DKK2: variants seen among roughly 807,000 people sequenced by gnomAD.
DKK2 encodes dickkopf-related protein 2.
Under a neutral mutation model 28.1 loss-of-function variants are expected in DKK2, and 11 were observed. The ratio of observed to expected loss-of-function variants is 0.39; its 90% CI spans 0.25 to 0.65. DKK2 has a LOEUF of 0.65. DKK2 is among the 30% of genes least tolerant of loss of function. DKK2 has a pLI of 0.47. For synonymous variants in DKK2, 135 were observed against 126.5 expected (o/e 1.07, Z -0.45); for missense variants, 326 against 335.5 (o/e 0.97, Z 0.22).
At chr4:106,988,056 G>A (rs1723148484) in intron 1 of DKK2, among the ~76,000 whole-genome samples, 1 of 152,090 alleles carries the variant, frequency 6.6e-6, no homozygotes, top group Non-Finnish European at 1.5e-5. Flanking sequence ...AATAGAGACA[G>A]GGTTTCACCA....
chr4:106,960,131 T>TATAC (rs1553921965), intron 1 of DKK2, among the ~76,000 whole-genome samples: 42 of 147,298 alleles, frequency 2.9e-4, no homozygotes, highest in South Asian at 6.4e-4. Flanking sequence ...TATATATATA[T>TATAC]ACACACACAC....
chr4:106,988,024 C>T (rs1723147798), intron 1 of DKK2, among the ~76,000 whole-genome samples: 1 of 152,054 alleles, frequency 6.6e-6, no homozygotes, highest in Non-Finnish European at 1.5e-5. Flanking sequence ...ACCATCACGC[C>T]CGGCTAATTT....
intron 1 of DKK2, among the ~76,000 whole-genome samples, chr4:107,027,902 C>T (rs1420516444): frequency 6.6e-6 from 1 of 151,990 alleles, no homozygotes; most frequent in Non-Finnish European, 1.5e-5. Flanking sequence ...CAGGCGCCTG[C>T]CACCACGCCC....
At chr4:106,998,116 A>T (rs1335988169) in intron 1 of DKK2, among the ~76,000 whole-genome samples, 1 of 152,312 alleles carries the variant, frequency 6.6e-6, no homozygotes, top group East Asian at 1.9e-4. Flanking sequence ...GGAGAATGCT[A>T]AACAACTAGC....
chr4:106,925,760 A>C lies in DKK2; in HGVS notation c.373+39T>G, dbSNP rs189280056. On this transcript the variant is annotated intron_variant, in intron 2 of 3. Coordinates refer to ENST00000285311, the MANE Select transcript of DKK2 (RefSeq NM_014421.3). Reference sequence around the variant, plus strand: ...TTGAGAGACAGGCTTATGATGATGAAAAGAAAGAGGCCCATTAACACTTAG... The same window carrying C: ...TTGAGAGACAGGCTTATGATGATGACAAGAAAGAGGCCCATTAACACTTAG... 97 of 1,573,004 alleles carry C rather than the reference A, an allele frequency of 6.2e-5. 1 individual carries two copies. In the East Asian group the frequency reaches 1.9e-3, roughly 30 times the overall value.
At chr4:106,947,088 T>G (rs1009186745) in intron 1 of DKK2, among the ~76,000 whole-genome samples, 3 of 152,114 alleles carry the variant, frequency 2.0e-5, no homozygotes, top group Non-Finnish European at 4.4e-5. Context: ...GCTGACAAAG[T>G]GTTTACTTTC....
chr4:106,957,964 G>GAGAGAGT lies in DKK2; in HGVS notation c.223-32016_223-32015insACTCTCT, dbSNP rs557565191. Among the ~76,000 whole-genome samples, 1,309 of 150,296 alleles carry GAGAGAGT rather than the reference G, an allele frequency of 8.7e-3. 29 individuals are homozygous for GAGAGAGT. Among genetic ancestry groups the GAGAGAGT allele is most frequent in the African/African-American group, 0.031 (1,275 of 41,134 alleles). On this transcript the variant is annotated intron_variant, in intron 1 of 3. Coordinates refer to ENST00000285311, the MANE Select transcript of DKK2 (RefSeq NM_014421.3). ...TTTTAAAAAAGATGATTCTCTACTA[G>GAGAGAGT]CATTTTTTTCCAAGAGTAATAATTC...
intron 1 of DKK2, among the ~76,000 whole-genome samples, chr4:106,991,828 G>A (rs769508146): frequency 2.0e-5 from 3 of 151,948 alleles, no homozygotes; most frequent in Admixed American, 6.6e-5. Flanking sequence ...CAAGCTTTTC[G>A]AAGGCTTCAT....
chr4:106,970,929 CA>C (rs1426694148), intron 1 of DKK2, among the ~76,000 whole-genome samples: 1 of 152,088 alleles, frequency 6.6e-6, no homozygotes, highest in Non-Finnish European at 1.5e-5. Context: ...AAAATGTCAA[CA>C]TTTGGAAACA....
At chr4:106,997,818 C>A (rs1723297788) in intron 1 of DKK2, among the ~76,000 whole-genome samples, 1 of 152,170 alleles carries the variant, frequency 6.6e-6, no homozygotes, top group Non-Finnish European at 1.5e-5. Context: ...TTACATTTGA[C>A]CTTCTCATTT....
At chr4:107,016,437 G>T (rs1314245331) in intron 1 of DKK2, among the ~76,000 whole-genome samples, 4 of 151,928 alleles carry the variant, frequency 2.6e-5, no homozygotes, top group Non-Finnish European at 4.4e-5. Context: ...TGTAGACAGA[G>T]AAAAGCAAAC....
intron 1 of DKK2, among the ~76,000 whole-genome samples, chr4:106,978,622 A>G (rs1444655370): frequency 6.6e-6 from 1 of 152,078 alleles, no homozygotes; most frequent in Non-Finnish European, 1.5e-5. Context: ...GGTCGACTTC[A>G]GACTTCTGTC....
intron 3 of DKK2, 163 bp from the exon 4 acceptor site, chr4:106,924,367 T>C (rs1013776828): frequency 4.8e-6 from 6 of 1,240,086 alleles, no homozygotes; most frequent in South Asian, 1.6e-5. Flanking sequence ...CTGCCTCTTA[T>C]CACATAAATC....
intron 1 of DKK2, among the ~76,000 whole-genome samples, chr4:107,018,234 A>G (rs887664677): frequency 6.6e-6 from 1 of 152,000 alleles, no homozygotes; most frequent in East Asian, 1.9e-4. Context: ...CCAATGGAGG[A>G]GAGTATGGTG....
At position 106,925,935 on chromosome 4, in the gene DKK2, G is replaced by C. The variant is rs760925720; in HGVS notation, c.237C>G (p.Ser79Arg). Residue 79 changes from serine to arginine, a missense_variant, in exon 2 of 4, where the codon AGC (serine) becomes AGG (arginine). By Grantham distance (110) the Ser-to-Arg change is moderately radical. Transcript: ENST00000285311. The stretch of plus-strand genomic sequence containing the variant: ...TCCCAACTTCACACTCCTTATCACT[G>C]CTACAAGGGTAGGCCTGTCATCAAG... ...GKNLGQAYPC[S>R]SDKECEVGRY... The C allele has an allele frequency of 6.2e-7, 1 of 1,610,214 alleles. No homozygotes were observed. Among genetic ancestry groups the C allele is most frequent in the South Asian group, 1.1e-5 (1 of 90,622 alleles).
intron 1 of DKK2, among the ~76,000 whole-genome samples, chr4:107,000,929 C>A (rs116610421): frequency 6.6e-6 from 1 of 151,960 alleles, no homozygotes; most frequent in Non-Finnish European, 1.5e-5. Context: ...CTGTACTAAC[C>A]GTAACAGGTT....
chr4:107,011,055 A>G (rs1248048665), intron 1 of DKK2, among the ~76,000 whole-genome samples: 1 of 151,382 alleles, frequency 6.6e-6, no homozygotes, highest in Non-Finnish European at 1.5e-5. Flanking sequence ...TTTTTGGTGG[A>G]TGTTTTGATC....
At chr4:106,991,987 A>G (rs1199401613) in intron 1 of DKK2, among the ~76,000 whole-genome samples, 1 of 152,186 alleles carries the variant, frequency 6.6e-6, no homozygotes. Flanking sequence ...AACTCTAAAA[A>G]TAATCCCACG....
At chr4:106,933,777 T>C (rs1487862414) in intron 1 of DKK2, among the ~76,000 whole-genome samples, 1 of 152,180 alleles carries the variant, frequency 6.6e-6, no homozygotes, top group Non-Finnish European at 1.5e-5. Context: ...TATATTCAGG[T>C]AGATATGAAA....
Sources: allele counts gnomAD v4.1 joint callset (sites outside exome capture counted in the v4.1 genomes callset), GRCh38; gene constraint gnomAD v4.1.1; transcripts MANE v1.5; gene names NCBI Gene and HGNC (gene_info 2026-07-23, HGNC 2026-07-21).